The following PTPRO variants were observed in gnomAD, a reference collection of about 807,000 sequenced individuals.
The protein encoded by PTPRO is receptor-type tyrosine-protein phosphatase O.
A neutral mutation model predicts 145.2 loss-of-function variants in PTPRO; 62 were observed. The observed-to-expected ratio is 0.43, with a 90% CI of 0.35 to 0.53. PTPRO has a LOEUF of 0.53. Ranked by LOEUF, PTPRO falls within the 20% of genes least tolerant of loss-of-function variation. The pLI is 0.01. For missense variants in PTPRO, 1,345 were observed against 1,482.7 expected (o/e 0.91, Z 1.53); for synonymous variants, 565 against 514.7 (o/e 1.10, Z -1.32).
intron 1 of PTPRO, among the ~76,000 whole-genome samples, chr12:15,437,342 C>T (rs956110325): frequency 1.3e-5 from 2 of 151,940 alleles, no homozygotes; most frequent in South Asian, 4.2e-4. Context: ...CTTTGTGCAG[C>T]GGGGCTCTCT....
At chr12:15,369,896 A>G (rs1938471469) in intron 1 of PTPRO, among the ~76,000 whole-genome samples, 2 of 152,172 alleles carry the variant, frequency 1.3e-5, no homozygotes, top group South Asian at 4.2e-4. Flanking sequence ...TACTACAAAT[A>G]CAAAACTTAG....
chr12:15,557,305 C>A, intron 15 of PTPRO, 150 bp from the exon 16 acceptor site: 1 of 719,216 alleles, frequency 1.4e-6, no homozygotes, highest in Non-Finnish European at 2.4e-6. Context: ...ACTGGGATTA[C>A]AGGCGTGAGC....
chr12:15,465,400 T>TTC (rs1226999692), intron 1 of PTPRO, among the ~76,000 whole-genome samples: 3 of 152,260 alleles, frequency 2.0e-5, no homozygotes, highest in Non-Finnish European at 4.4e-5. Context: ...TATTTCTTCT[T>TTC]TATATATTGG....
intron 1 of PTPRO, among the ~76,000 whole-genome samples, chr12:15,392,086 G>A (rs765308236): frequency 3.8e-4 from 58 of 152,158 alleles, no homozygotes; most frequent in Non-Finnish European, 6.2e-4. Context: ...TGGGCTGTGT[G>A]TTTATATGCC....
chr12:15,499,369 T>G, intron 3 of PTPRO, 73 bp from the exon 4 acceptor site: 1 of 1,422,134 alleles, frequency 7.0e-7, no homozygotes, highest in Non-Finnish European at 9.9e-7. Context: ...TAGCCATAAT[T>G]GTTTCAAACT....
At chr12:15,482,464 T>C (rs1371017480) in intron 1 of PTPRO, among the ~76,000 whole-genome samples, 1 of 152,122 alleles carries the variant, frequency 6.6e-6, no homozygotes, top group Non-Finnish European at 1.5e-5. Context: ...TCTATAGTAC[T>C]ATAGGGGGAC....
At chr12:15,334,598 C>A (rs1866703479) in intron 1 of PTPRO, among the ~76,000 whole-genome samples, 1 of 152,104 alleles carries the variant, frequency 6.6e-6, no homozygotes, top group South Asian at 2.1e-4. Flanking sequence ...AGTCTATTAA[C>A]TGTACTGAAA....
At chr12:15,577,334 G>A (rs1328366838) in intron 19 of PTPRO, among the ~76,000 whole-genome samples, 4 of 152,138 alleles carry the variant, frequency 2.6e-5, no homozygotes, top group Admixed American at 2.0e-4. Context: ...GCCATTAAGC[G>A]CAAGGTAATT....
At chr12:15,438,061 A>G (rs1034289184) in intron 1 of PTPRO, among the ~76,000 whole-genome samples, 7 of 152,220 alleles carry the variant, frequency 4.6e-5, no homozygotes, top group African/African-American at 1.7e-4. Context: ...TCACAGCCCA[A>G]TATAAAACCT....
chr12:15,547,800 C>A (rs1227255552), intron 13 of PTPRO, among the ~76,000 whole-genome samples: 1 of 152,096 alleles, frequency 6.6e-6, no homozygotes, highest in Non-Finnish European at 1.5e-5. Context: ...TAGAATAATT[C>A]TTTTATAGAA....
intron 12 of PTPRO, among the ~76,000 whole-genome samples, chr12:15,541,654 G>C (rs1943182196): frequency 6.6e-6 from 1 of 152,228 alleles, no homozygotes; most frequent in South Asian, 2.1e-4. Flanking sequence ...TTCCTATAAG[G>C]ACACCAGTCT....
chr12:15,426,617 C>T (rs1219428107), intron 1 of PTPRO, among the ~76,000 whole-genome samples: 2 of 152,154 alleles, frequency 1.3e-5, no homozygotes, highest in South Asian at 2.1e-4. Context: ...TGTCTCAGAA[C>T]TTTCTAGCAT....
At chr12:15,326,515 GA>G (rs1010020502) in intron 1 of PTPRO, among the ~76,000 whole-genome samples, 1 of 152,142 alleles carries the variant, frequency 6.6e-6, no homozygotes, top group Non-Finnish European at 1.5e-5. Context: ...TGGCCCAAAA[GA>G]AAATGCACAT....
intron 1 of PTPRO, among the ~76,000 whole-genome samples, chr12:15,442,728 G>T (rs1487274377): frequency 1.3e-5 from 2 of 151,954 alleles, no homozygotes; most frequent in Non-Finnish European, 1.5e-5. Context: ...AAACAAAAAT[G>T]CAATCCGATT....
intron 1 of PTPRO, chr12:15,337,395 G>GA (rs1299047345): frequency 1.3e-5 from 2 of 152,220 alleles, no homozygotes; most frequent in East Asian, 3.8e-4. Flanking sequence ...TTCCGAGAGT[G>GA]AAGGGATCCT....
At chr12:15,594,379 T>C (rs1472323772) in intron 25 of PTPRO, among the ~76,000 whole-genome samples, 1 of 152,004 alleles carries the variant, frequency 6.6e-6, no homozygotes, top group Non-Finnish European at 1.5e-5. Flanking sequence ...ATGATTTGAT[T>C]GAATATTCAT....
rs529562186 is a variant in PTPRO at position 15,348,472 on chromosome 12, T to A, written c.75+25671T>A. Reference sequence around the variant, plus strand: ...ACAGTGAAGGAGTTAAAAAAAAAAATTATAGGCCGGGCGCGGTGGCTGACG... The same window carrying A: ...ACAGTGAAGGAGTTAAAAAAAAAAAATATAGGCCGGGCGCGGTGGCTGACG... On this transcript the variant is annotated intron_variant, in intron 1 of 26. Coordinates refer to ENST00000281171, the MANE Select transcript of PTPRO (RefSeq NM_030667.3). The A allele has an allele frequency of 1.3e-4, 19 of 151,816 alleles. No individual in the cohort carries two copies. In the East Asian group the frequency reaches 2.7e-3, roughly 22 times the overall value. The allele number at this position is 151,816 out of a possible 1,614,324, so 9.4% of individuals were successfully genotyped here.
At chr12:15,581,908 A>G in intron 23 of PTPRO, 107 bp downstream of exon 23, 1 of 1,429,772 alleles carries the variant, frequency 7.0e-7, no homozygotes, top group Non-Finnish European at 9.7e-7. Context: ...TTACAGACAC[A>G]CACACAAAAA....
rs566591662 is a variant in PTPRO at position 15,592,244 on chromosome 12, A to C, written c.3546+2654A>C. On this transcript the variant is annotated intron_variant, in intron 25 of 26. Coordinates refer to ENST00000281171, the MANE Select transcript of PTPRO (RefSeq NM_030667.3). Reference sequence around the variant, plus strand: ...CATTCAAATTCTGCTGCCAGGTCACAAAAGTTAACAAGGAAAGAACAAAGT... The same window carrying C: ...CATTCAAATTCTGCTGCCAGGTCACCAAAGTTAACAAGGAAAGAACAAAGT... Among the ~76,000 whole-genome samples the C allele has an allele frequency of 2.0e-5, 3 of 152,312 alleles. No individual in the cohort carries two copies. The East Asian group carries it at 5.8e-4, about 29-fold the overall frequency.
Sources: allele counts gnomAD v4.1 joint callset (sites outside exome capture counted in the v4.1 genomes callset), GRCh38; gene constraint gnomAD v4.1.1; transcripts MANE v1.5; gene names NCBI Gene and HGNC (gene_info 2026-07-23, HGNC 2026-07-21).